NEDD4: variants seen among roughly 807,000 people sequenced by gnomAD.
The protein encoded by NEDD4 is NEDD4 E3 ubiquitin protein ligase.
NEDD4 carries 99 observed loss-of-function variants against 144.9 expected under a neutral mutation model. The ratio of observed to expected loss-of-function variants is 0.68; its 90% CI spans 0.58 to 0.81. The LOEUF (loss-of-function observed/expected upper bound fraction) is 0.81. NEDD4 is among the 30% of genes least tolerant of loss of function. The pLI is 0.00. For missense variants in NEDD4, 985 were observed against 1,065.9 expected (o/e 0.92, Z 1.06); for synonymous variants, 318 against 350.6 (o/e 0.91, Z 1.04).
intron 4 of NEDD4, among the ~76,000 whole-genome samples, chr15:55,939,205 G>A (rs1485125961): frequency 6.6e-6 from 1 of 152,114 alleles, no homozygotes; most frequent in Non-Finnish European, 1.5e-5. Flanking sequence ...TAATCCCCAC[G>A]TGTCAAGGGA....
At chr15:55,912,465 TA>T (rs1202784904) in intron 5 of NEDD4, among the ~76,000 whole-genome samples, 28 of 152,086 alleles carry the variant, frequency 1.8e-4, no homozygotes, top group African/African-American at 6.7e-4. Flanking sequence ...AGAAAAAATG[TA>T]AAAAATAATT....
chr15:55,830,683 C>A, intron 27 of NEDD4, 97 bp from the exon 28 acceptor site: 3 of 888,296 alleles, frequency 3.4e-6, no homozygotes, highest in South Asian at 1.4e-5. Context: ...TACACACACA[C>A]AGGGAACTAA....
intron 2 of NEDD4, among the ~76,000 whole-genome samples, chr15:55,964,948 C>T (rs963017065): frequency 3.3e-5 from 5 of 151,808 alleles, no homozygotes; most frequent in African/African-American, 9.7e-5. Context: ...GGCACACCTC[C>T]CCCTTGCTTC....
intron 1 of NEDD4, among the ~76,000 whole-genome samples, chr15:55,988,486 T>TAAAAAAAAAAAAAAAAA (rs1491422042): frequency 6.1e-5 from 2 of 32,884 alleles, no homozygotes; most frequent in African/African-American, 9.8e-5. Context: ...AAAAAAAAAA[T>TAAAAAAAAAAAAAAAAA]TAAAAAAAAA....
intron 8 of NEDD4, among the ~76,000 whole-genome samples, chr15:55,867,534 C>G (rs1481479584): frequency 6.6e-6 from 1 of 152,142 alleles, no homozygotes; most frequent in Non-Finnish European, 1.5e-5. Flanking sequence ...AATTTTCTTT[C>G]TTTACAGCAG....
rs1324389458 is a variant in NEDD4, at chr15:55,903,853, T to C, written c.291+20793A>G. ...AAAAAAAAAAAAACACACATATATA[T>C]ATATATATATATATACACACATTGG... On this transcript the variant is annotated intron_variant, in intron 5 of 28. Transcript: ENST00000435532. Among the ~76,000 whole-genome samples the C allele has an allele frequency of 2.3e-4, 24 of 102,360 alleles. No individual in the cohort carries two copies. The East Asian group carries it at 4.6e-3, about 20-fold the overall frequency. The allele number at this position is 102,360 out of a possible 152,430, so 67.2% of individuals were successfully genotyped here. A position where few individuals can be genotyped will look rare whatever the true frequency, so the allele number is the denominator to read the frequency against.
At position 55,864,438 on chromosome 15, in the gene NEDD4, T is replaced by C. The variant is rs1039368246; in HGVS notation, c.508-1359A>G. Among the ~76,000 whole-genome samples the C allele has an allele frequency of 3.1e-4, 47 of 151,862 alleles. 1 individual carries two copies. The highest frequency in any genetic ancestry group is 1.1e-3 in the African/African-American group (47 of 41,338). Reference sequence around the variant, plus strand: ...GGCTCAGGCCTATAATTCCAGCACTTTGGGAGGCCGAGGCGGGCAGATCAC... The same window carrying C: ...GGCTCAGGCCTATAATTCCAGCACTCTGGGAGGCCGAGGCGGGCAGATCAC... On this transcript the variant is annotated intron_variant, in intron 8 of 28. Coordinates refer to ENST00000435532, the MANE Select transcript of NEDD4 (RefSeq NM_006154.4).
chr15:55,903,235 CA>C (rs2142161571), intron 5 of NEDD4, among the ~76,000 whole-genome samples: 1 of 151,974 alleles, frequency 6.6e-6, no homozygotes, highest in Non-Finnish European at 1.5e-5. Flanking sequence ...CTATTTTTAC[CA>C]AAGTAATCTT....
In NEDD4 at chr15:55,983,836, C is replaced by G. The variant is rs2037846710; in HGVS notation, c.45+9675G>C. Reference sequence around the variant, plus strand: ...ATGTTGGCCAGGCTGGTCTCGAACTCCTGACCTCAAGTGATCCACCCATCT... The same window carrying G: ...ATGTTGGCCAGGCTGGTCTCGAACTGCTGACCTCAAGTGATCCACCCATCT... On this transcript the variant is annotated intron_variant, in intron 1 of 28. Transcript: ENST00000435532. Among the ~76,000 whole-genome samples the G allele has an allele frequency of 2.0e-5, 3 of 152,138 alleles. No individual in the cohort carries two copies. In the South Asian group the frequency reaches 6.2e-4, roughly 32 times the overall value.
intron 17 of NEDD4, among the ~76,000 whole-genome samples, chr15:55,847,763 G>A (rs62046650): frequency 0.095 from 13,938 of 146,138 alleles, 713 homozygotes; most frequent in Middle Eastern, 0.16. Context: ...CACAACCTCC[G>A]CCTCCTGGGT....
chr15:55,863,012 G>A lies in NEDD4; in HGVS notation c.575C>T (p.Pro192Leu). 1.2e-6 allele frequency: 2 copies of A among 1,604,930 alleles called. No homozygotes were observed. Among genetic ancestry groups the A allele is most frequent in the African/African-American group, 1.4e-5 (1 of 73,128 alleles). ...CHLQQQQEPS[P>L]LPPGWEERQD... ...CCTCTCTTCCCACCCTGGAGGTAGA[G>A]GAGAAGGTTCTTGTTGTTGCTGCAA... The change falls in exon 9 of 29, where the codon CCT becomes CTT. Residue 192 changes from proline (P) to leucine (L), a missense_variant. By Grantham distance (98) the Pro-to-Leu change is moderately conservative. Transcript: ENST00000435532.
chr15:55,931,535 T>C (rs1435395878), intron 4 of NEDD4, among the ~76,000 whole-genome samples: 2 of 151,984 alleles, frequency 1.3e-5, no homozygotes, highest in Non-Finnish European at 2.9e-5. Flanking sequence ...AAAATATCAG[T>C]GACAGACTTA....
intron 5 of NEDD4, among the ~76,000 whole-genome samples, chr15:55,878,909 G>A (rs1395185813): frequency 1.3e-4 from 20 of 152,280 alleles, no homozygotes; most frequent in African/African-American, 2.6e-4. Context: ...TGCAACCTCC[G>A]CCTCCCTCGT....
chr15:55,884,478 CAG>C (rs1192503129), intron 5 of NEDD4, among the ~76,000 whole-genome samples: 1 of 152,182 alleles, frequency 6.6e-6, no homozygotes, highest in African/African-American at 2.4e-5. Flanking sequence ...ATCCCAGAAA[CAG>C]AGATATATGT....
intron 6 of NEDD4, among the ~76,000 whole-genome samples, chr15:55,873,441 CAA>C (rs1369950685): frequency 1.3e-5 from 2 of 152,118 alleles, no homozygotes; most frequent in African/African-American, 2.4e-5. Context: ...CACTTTTCTA[CAA>C]GAGACGCCAC....
chr15:55,838,172 T>C lies in NEDD4; in HGVS notation c.2136A>G (p.Gln712=), dbSNP rs764346727. 7.5e-6 allele frequency: 12 copies of C among 1,594,774 alleles called. 1 individual carries two copies. The highest frequency in any genetic ancestry group is 5.7e-5 in the South Asian group (5 of 88,352). ...CTGATCCACCATTTTTCAGCTCATG[T>C]TGATGTGTCTAAAATTAAACACAAT... The part of the protein sequence containing the change: ...IDEELFGQTH[Q]HELKNGGSEI... The change falls in exon 23 of 29, where the codon CAA becomes CAG. Residue 712 remains glutamine (Q), a synonymous_variant. Coordinates refer to ENST00000435532, the MANE Select transcript of NEDD4 (RefSeq NM_006154.4).
Position 55,872,563 on chromosome 15 carries a change from G to A in NEDD4, c.343-87C>T, listed in dbSNP as rs1395783178. The A allele has an allele frequency of 2.7e-5, 13 of 476,930 alleles. 1 individual carries two copies. Among genetic ancestry groups the A allele is most frequent in the Admixed American group, 4.5e-5 (1 of 22,454 alleles). The allele number at this position is 476,930 out of a possible 1,614,324, so 29.5% of individuals were successfully genotyped here. On this transcript the variant is annotated intron_variant, in intron 6 of 28. Coordinates refer to ENST00000435532, the MANE Select transcript of NEDD4 (RefSeq NM_006154.4). ...GAATACTCATGAACTATCACCTAAG[G>A]CATAATTTAAGTTGGAAGTGAGAAA...
chr15:55,991,685 C>A (rs1400383282), intron 1 of NEDD4, among the ~76,000 whole-genome samples: 2 of 152,160 alleles, frequency 1.3e-5, no homozygotes, highest in Admixed American at 1.3e-4. Flanking sequence ...TGGGATAGGC[C>A]ACAGTCCATG....
At chr15:55,841,888 C>T (rs2033525576) in intron 19 of NEDD4, 46 bp downstream of exon 19, 7 of 1,529,148 alleles carry the variant, frequency 4.6e-6, no homozygotes, top group Non-Finnish European at 6.3e-6. Flanking sequence ...ACTTTTAAAA[C>T]AGTGATTTTT....
Sources: allele counts gnomAD v4.1 joint callset (sites outside exome capture counted in the v4.1 genomes callset), GRCh38; gene constraint gnomAD v4.1.1; transcripts MANE v1.5; gene names NCBI Gene and HGNC (gene_info 2026-07-23, HGNC 2026-07-21).